Variants in ARHGAP15 observed in about 807,000 individuals in gnomAD.
ARHGAP15 encodes the protein rho GTPase-activating protein 15.
Under a neutral mutation model 63.7 loss-of-function variants are expected in ARHGAP15, and 51 were observed. That is an observed-to-expected ratio of 0.80 (90% CI 0.64 to 1.01). The LOEUF is 1.01. Among genes scored for constraint, ARHGAP15 ranks in the 50% least tolerant of loss-of-function variants. The probability of loss-of-function intolerance (pLI) is 0.00; values close to 1 mark genes in which losing one functional copy is unlikely to be tolerated. For synonymous variants in ARHGAP15, 191 were observed against 193.8 expected (o/e 0.99, Z 0.12); for missense variants, 560 against 564.6 (o/e 0.99, Z 0.08).
At chr2:143,258,492 G>A (rs946558777) in intron 6 of ARHGAP15, among the ~76,000 whole-genome samples, 2 of 152,122 alleles carry the variant, frequency 1.3e-5, no homozygotes, top group African/African-American at 4.8e-5. Context: ...TATGCATAGA[G>A]TCTCTCAATG....
chr2:143,393,726 T>TA lies in ARHGAP15; in HGVS notation c.475-41847dup, dbSNP rs10593584. On this transcript the variant is annotated intron_variant, in intron 6 of 13. Transcript: ENST00000295095. ...CTGGGTGACAGAGCGAGACTCTGTC[T>TA]AAAAAAAAAAAAAAAAAAAAAAAAA... 7.9e-3 allele frequency among the ~76,000 whole-genome samples: 486 copies of TA among 61,442 alleles called. 15 individuals carry two copies. The highest frequency in any genetic ancestry group is 0.019 in the African/African-American group (303 of 15,748). 40.3% of individuals were successfully genotyped at this position (61,442 alleles called of 152,430 possible).
At chr2:143,403,669 G>A (rs896813116) in intron 6 of ARHGAP15, among the ~76,000 whole-genome samples, 5 of 151,808 alleles carry the variant, frequency 3.3e-5, no homozygotes, top group Non-Finnish European at 5.9e-5. Context: ...TATGAAAACA[G>A]ACCAGAAAAA....
At chr2:143,329,930 A>C in intron 6 of ARHGAP15, among the ~76,000 whole-genome samples, 1 of 145,880 alleles carries the variant, frequency 6.9e-6, no homozygotes, top group Non-Finnish European at 1.5e-5. Context: ...ATCACTACAA[A>C]AAAAAAAAAA....
chr2:143,524,023 C>CT (rs924664270), intron 10 of ARHGAP15, among the ~76,000 whole-genome samples: 1 of 152,044 alleles, frequency 6.6e-6, no homozygotes, highest in African/African-American at 2.4e-5. Context: ...CCCTTTCTGT[C>CT]TTTTTTCTGG....
chr2:143,329,881 A>G (rs1234126822), intron 6 of ARHGAP15, among the ~76,000 whole-genome samples: 1 of 149,988 alleles, frequency 6.7e-6, no homozygotes, highest in African/African-American at 2.5e-5. Flanking sequence ...ATGAGAGAAC[A>G]TATTTTTAAG....
intron 8 of ARHGAP15, among the ~76,000 whole-genome samples, chr2:143,479,462 A>G (rs1229806559): frequency 3.9e-5 from 6 of 152,098 alleles, no homozygotes; most frequent in Non-Finnish European, 5.9e-5. Context: ...TTAATATACA[A>G]TCTTTCCTCA....
chr2:143,135,177 G>A (rs1374494992), intron 1 of ARHGAP15, among the ~76,000 whole-genome samples: 1 of 152,158 alleles, frequency 6.6e-6, no homozygotes, highest in Non-Finnish European at 1.5e-5. Context: ...AAGATTCAGT[G>A]AGGAGAGGAA....
At chr2:143,173,415 C>A (rs1175977652) in intron 2 of ARHGAP15, among the ~76,000 whole-genome samples, 1 of 151,804 alleles carries the variant, frequency 6.6e-6, no homozygotes, top group Non-Finnish European at 1.5e-5. Flanking sequence ...TTATTTTGTA[C>A]TTTTAACTTT....
intron 6 of ARHGAP15, among the ~76,000 whole-genome samples, chr2:143,385,066 G>A (rs1318534070): frequency 6.6e-6 from 1 of 152,106 alleles, no homozygotes; most frequent in East Asian, 1.9e-4. Flanking sequence ...AATTCACCAT[G>A]TAAAATTGAT....
intron 8 of ARHGAP15, among the ~76,000 whole-genome samples, chr2:143,462,368 A>G (rs978019664): frequency 1.3e-5 from 2 of 152,190 alleles, no homozygotes; most frequent in African/African-American, 4.8e-5. Flanking sequence ...AAAAAAAATA[A>G]AACTAAAAGA....
intron 11 of ARHGAP15, among the ~76,000 whole-genome samples, chr2:143,577,004 G>A (rs933869539): frequency 6.6e-6 from 1 of 152,056 alleles, no homozygotes; most frequent in Non-Finnish European, 1.5e-5. Context: ...CCTCCTAATT[G>A]CAAATCACTT....
rs373653802 is a variant in ARHGAP15 at position 143,451,205 on chromosome 2, A to G, written c.703+14163A>G. Among the ~76,000 whole-genome samples the G allele has an allele frequency of 5.9e-5, 9 of 152,088 alleles. 1 individual carries two copies. The highest frequency in any genetic ancestry group is 3.9e-4 in the Admixed American group (6 of 15,210). Reference sequence around the variant, plus strand: ...TACATTCGCCTCTCGGGGATAGCAAAGTACAAAATGTCAGTCTTCAAATCT... The same window carrying G: ...TACATTCGCCTCTCGGGGATAGCAAGGTACAAAATGTCAGTCTTCAAATCT... On this transcript the variant is annotated intron_variant, in intron 8 of 13. Transcript: ENST00000295095.
At position 143,644,836 on chromosome 2, in the gene ARHGAP15, T is replaced by C. The variant is rs374849288; in HGVS notation, c.1138+20569T>C. 2.6e-5 allele frequency among the ~76,000 whole-genome samples: 4 copies of C among 152,264 alleles called. No individual in the cohort carries two copies. The East Asian group carries it at 7.7e-4, about 29-fold the overall frequency. ...CTAGTCCTCATTTTAAATGTCTCGA[T>C]GGTTCTTGATAAATTATATTCACTT... On this transcript the variant is annotated intron_variant, in intron 12 of 13. Coordinates refer to ENST00000295095, the MANE Select transcript of ARHGAP15 (RefSeq NM_018460.4).
At chr2:143,698,612 G>GA (rs1464462716) in intron 12 of ARHGAP15, among the ~76,000 whole-genome samples, 1 of 152,068 alleles carries the variant, frequency 6.6e-6, no homozygotes, top group East Asian at 1.9e-4. Context: ...CTATTGGATG[G>GA]AAAAAAACGA....
chr2:143,437,312 T>G (rs961104652), intron 8 of ARHGAP15: 9 of 333,994 alleles, frequency 2.7e-5, no homozygotes, highest in African/African-American at 4.4e-5. Context: ...GCCATGGTGT[T>G]CAGATCAGTG....
intron 10 of ARHGAP15, among the ~76,000 whole-genome samples, chr2:143,536,033 C>T (rs1694738770): frequency 6.6e-6 from 1 of 152,068 alleles, no homozygotes; most frequent in African/African-American, 2.4e-5. Flanking sequence ...AATTACCTCA[C>T]ATAGTTATCA....
chr2:143,394,520 T>C (rs967933606), intron 6 of ARHGAP15, among the ~76,000 whole-genome samples: 6 of 152,160 alleles, frequency 3.9e-5, no homozygotes, highest in Non-Finnish European at 8.8e-5. Context: ...AGGGATCTTT[T>C]AATGGTGATA....
intron 12 of ARHGAP15, among the ~76,000 whole-genome samples, chr2:143,632,725 T>TC (rs1194991362): frequency 6.6e-6 from 1 of 152,164 alleles, no homozygotes; most frequent in Non-Finnish European, 1.5e-5. Flanking sequence ...TAATGGTTTT[T>TC]CCCCCCATGG....
chr2:143,479,130 T>C (rs1364862146), intron 8 of ARHGAP15, among the ~76,000 whole-genome samples: 2 of 152,230 alleles, frequency 1.3e-5, no homozygotes, highest in African/African-American at 4.8e-5. Context: ...GGAAAGAGTA[T>C]TTAAATGCCA....
Sources: gnomAD v4.1 joint callset for allele counts (sites outside exome capture counted in the v4.1 genomes callset) on GRCh38, gnomAD v4.1.1 for gene constraint, MANE v1.5 for transcripts, NCBI Gene and HGNC (gene_info 2026-07-23, HGNC 2026-07-21) for gene names.